The following MYPN variants were observed in gnomAD, a reference collection of about 807,000 sequenced individuals.
MYPN encodes the protein myopalladin.
In MYPN, 63 loss-of-function variants were observed where a neutral mutation model predicts 129.4. That is an observed-to-expected ratio of 0.49 (90% CI 0.40 to 0.60). The LOEUF is 0.60. Among genes scored for constraint, MYPN ranks in the 20% least tolerant of loss-of-function variants. MYPN has a pLI of 0.00. For synonymous variants in MYPN, 629 were observed against 600.9 expected (o/e 1.05, Z -0.68); for missense variants, 1,596 against 1,635.4 (o/e 0.98, Z 0.42).
At position 68,122,348 on chromosome 10, in the gene MYPN, T is replaced by C. The variant is rs1191997183; in HGVS notation, c.902+8T>C. 3 of 1,612,612 alleles carry C rather than the reference T, an allele frequency of 1.9e-6. No individual in the cohort carries two copies. The highest frequency in any genetic ancestry group is 2.2e-5 in the South Asian group (2 of 91,034). Reference sequence around the variant, plus strand: ...TCCACCACCTCAAGTAAGGTAAAAATGTCCCATTGGTAATGCTGAGTAATG... The same window carrying C: ...TCCACCACCTCAAGTAAGGTAAAAACGTCCCATTGGTAATGCTGAGTAATG... On this transcript the variant is annotated splice_region_variant and intron_variant, in intron 2 of 19. Coordinates refer to ENST00000358913, the MANE Select transcript of MYPN (RefSeq NM_032578.4).
chr10:68,118,535 A>G (rs1407159569), intron 1 of MYPN, among the ~76,000 whole-genome samples: 1 of 152,188 alleles, frequency 6.6e-6, no homozygotes, highest in East Asian at 1.9e-4. Flanking sequence ...AAGTCACATT[A>G]AAACACAATA....
intron 6 of MYPN, 44 bp from the exon 7 acceptor site, chr10:68,158,442 A>G (rs777072656): frequency 5.0e-6 from 8 of 1,587,280 alleles, no homozygotes; most frequent in South Asian, 1.1e-5. Context: ...GATTACAAAA[A>G]TGTGTACTTT....
chr10:68,131,824 T>C (rs2042416152), intron 2 of MYPN, among the ~76,000 whole-genome samples: 1 of 152,262 alleles, frequency 6.6e-6, no homozygotes, highest in Non-Finnish European at 1.5e-5. Context: ...GGCATCATTG[T>C]TAAAAATTAC....
chr10:68,141,571 G>A (rs148660535), intron 2 of MYPN, among the ~76,000 whole-genome samples: 20 of 152,236 alleles, frequency 1.3e-4, no homozygotes, highest in African/African-American at 4.6e-4. Flanking sequence ...ATGAAAAAAT[G>A]TAAAAGGGTA....
chr10:68,176,345 T>G (rs2043227104), intron 12 of MYPN, among the ~76,000 whole-genome samples: 1 of 152,238 alleles, frequency 6.6e-6, no homozygotes, highest in Non-Finnish European at 1.5e-5. Context: ...TTATTTTTAA[T>G]GCAGGTTTAC....
At chr10:68,200,561 C>T (rs2043692588) in intron 17 of MYPN, among the ~76,000 whole-genome samples, 1 of 152,028 alleles carries the variant, frequency 6.6e-6, no homozygotes, top group South Asian at 2.1e-4. Flanking sequence ...AGTTCAAGAC[C>T]AGCCTGGCCA....
chr10:68,118,421 G>C (rs75644728), intron 1 of MYPN, among the ~76,000 whole-genome samples: 3,803 of 152,222 alleles, frequency 0.025, 159 homozygotes, highest in African/African-American at 0.086. Context: ...TAATTGTTAC[G>C]AGATGAAGCA....
At position 68,189,030 on chromosome 10, in the gene MYPN, T is replaced by C; in HGVS notation, c.2829T>C (p.Ile943=). ...QHDEIPTGKC[I]APIFDKRLKH... is the part of the protein sequence containing the mutation. ...ATGAGATCCCCACGGGCAAGTGTAT[T>C]GCTCCCATCTTTGACAAGAGACTCA... Residue 943 remains isoleucine, a synonymous_variant, in exon 13 of 20, where the codon ATT becomes ATC. Transcript: ENST00000358913. 23 of 1,614,164 alleles carry C rather than the reference T, an allele frequency of 1.4e-5. No homozygotes were observed. Among genetic ancestry groups the C allele is most frequent in the Non-Finnish European group, 1.9e-5 (23 of 1,180,016 alleles).
At chr10:68,185,542 C>T (rs11595406) in intron 12 of MYPN, among the ~76,000 whole-genome samples, 29,210 of 151,902 alleles carry the variant, frequency 0.19, 3,345 homozygotes, top group Middle Eastern at 0.31. Flanking sequence ...CACACCCCTC[C>T]CCACCAATGA....
At chr10:68,133,229 T>C (rs115936800) in intron 2 of MYPN, among the ~76,000 whole-genome samples, 150 of 152,134 alleles carry the variant, frequency 9.9e-4, no homozygotes, top group African/African-American at 3.3e-3. Context: ...TCTGCCATAT[T>C]GGCCAAGCTA....
intron 2 of MYPN, among the ~76,000 whole-genome samples, chr10:68,138,667 T>A (rs1333595630): frequency 6.6e-6 from 1 of 152,230 alleles, no homozygotes; most frequent in Non-Finnish European, 1.5e-5. Context: ...ATGCTTCTAC[T>A]GCTATTGCTT....
At chr10:68,134,169 A>G (rs1319784679) in intron 2 of MYPN, among the ~76,000 whole-genome samples, 1 of 152,190 alleles carries the variant, frequency 6.6e-6, no homozygotes, top group Non-Finnish European at 1.5e-5. Context: ...CATTCATTCA[A>G]TAACAATTCA....
At position 68,121,460 on chromosome 10, in the gene MYPN, G is replaced by A. The variant is rs2042239747; in HGVS notation, c.22G>A (p.Ala8Thr). ...CAGCATGCAAGACGACAGCATAGAA[G>A]CTTCTACTTCCATATCTCAGCTTCT... Reference protein sequence around the residue: MQDDSIEASTSISQLLRE... With the variant: MQDDSIETSTSISQLLRE... Residue 8 changes from alanine to threonine, a missense_variant, in exon 2 of 20, where the codon GCT becomes ACT. By Grantham distance (58) the Ala-to-Thr change is moderately conservative. Coordinates refer to ENST00000358913, the MANE Select transcript of MYPN (RefSeq NM_032578.4). 1.9e-6 allele frequency: 3 copies of A among 1,612,674 alleles called. No individual in the cohort carries two copies. The highest frequency in any genetic ancestry group is 2.5e-6 in the Non-Finnish European group (3 of 1,179,458).
intron 12 of MYPN, among the ~76,000 whole-genome samples, chr10:68,179,428 G>A (rs1345712452): frequency 6.6e-6 from 1 of 152,166 alleles, no homozygotes; most frequent in Non-Finnish European, 1.5e-5. Flanking sequence ...CATCCCTGTT[G>A]TGCATGGTGC....
At chr10:68,184,450 C>T (rs747586492) in intron 12 of MYPN, among the ~76,000 whole-genome samples, 23 of 151,542 alleles carry the variant, frequency 1.5e-4, no homozygotes, top group Non-Finnish European at 3.4e-4. Context: ...TTTTTTTAGA[C>T]GGAGTTTCAC....
intron 13 of MYPN, among the ~76,000 whole-genome samples, chr10:68,191,836 C>T (rs144757573): frequency 0.01 from 1,588 of 152,154 alleles, 15 homozygotes; most frequent in Middle Eastern, 0.017. Flanking sequence ...ATAGATGCTA[C>T]GGATTTTTGT....
intron 6 of MYPN, among the ~76,000 whole-genome samples, chr10:68,154,234 T>C (rs1461690969): frequency 6.6e-6 from 1 of 152,160 alleles, no homozygotes; most frequent in Non-Finnish European, 1.5e-5. Context: ...CTCACACTTC[T>C]TGAATGTGAA....
At chr10:68,161,922 C>T (rs978242940) in intron 8 of MYPN, 170 bp downstream of exon 8, 9 of 511,252 alleles carry the variant, frequency 1.8e-5, no homozygotes, top group African/African-American at 5.9e-5. Context: ...CAGCACTTTG[C>T]GAGGCCGAGG....
chr10:68,157,485 A>G (rs2673796), intron 6 of MYPN, among the ~76,000 whole-genome samples: 88,999 of 151,588 alleles, frequency 0.59, 28,257 homozygotes, highest in Non-Finnish European at 0.7. Context: ...ACTCACTGCA[A>G]ATTTAAATAT....
Sources: gnomAD v4.1 joint callset for allele counts (sites outside exome capture counted in the v4.1 genomes callset) on GRCh38, gnomAD v4.1.1 for gene constraint, MANE v1.5 for transcripts, NCBI Gene and HGNC (gene_info 2026-07-23, HGNC 2026-07-21) for gene names.